PPFIA2: variants seen among roughly 807,000 people sequenced by gnomAD.
The protein encoded by PPFIA2 is PPFI scaffold protein A2.
In PPFIA2, 46 loss-of-function variants were observed where a neutral mutation model predicts 175.5. The ratio of observed to expected loss-of-function variants is 0.26; its 90% CI spans 0.21 to 0.34. The LOEUF is 0.34. Ranked by LOEUF, PPFIA2 falls within the 10% of genes least tolerant of loss-of-function variation. The pLI is 1.00. For missense variants in PPFIA2, 1,179 were observed against 1,506.1 expected (o/e 0.78, Z 3.60); for synonymous variants, 568 against 511.4 (o/e 1.11, Z -1.49).
At chr12:81,511,284 C>T (rs914353775) in intron 4 of PPFIA2, among the ~76,000 whole-genome samples, 1 of 152,034 alleles carries the variant, frequency 6.6e-6, no homozygotes, top group Non-Finnish European at 1.5e-5. Context: ...AACCTCTCAC[C>T]ACTGCCAACA....
intron 4 of PPFIA2, among the ~76,000 whole-genome samples, chr12:81,528,772 A>G (rs894685774): frequency 6.6e-6 from 1 of 152,028 alleles, no homozygotes; most frequent in Admixed American, 6.6e-5. Context: ...GCCAAGCTTT[A>G]TTTTTCTCAG....
chr12:81,368,958 T>G lies in PPFIA2; in HGVS notation c.1351-102A>C, dbSNP rs149165192. On this transcript the variant is annotated intron_variant, in intron 12 of 32. Transcript: ENST00000549396. ...ATTGAATTTAATTTTACATCTGTTT[T>G]GATTAAAGTGGTGGAAACATTTTAT... 9,028 of 1,385,974 alleles carry G rather than the reference T, an allele frequency of 6.5e-3. 39 individuals carry two copies. Among genetic ancestry groups the G allele is most frequent in the Middle Eastern group, 0.011 (57 of 5,208 alleles). The allele number at this position is 1,385,974 out of a possible 1,614,324, so 85.9% of individuals were successfully genotyped here.
At chr12:81,375,098 G>A (rs1302213787) in intron 10 of PPFIA2, among the ~76,000 whole-genome samples, 1 of 152,020 alleles carries the variant, frequency 6.6e-6, no homozygotes, top group African/African-American at 2.4e-5. Flanking sequence ...TGAAAATCAT[G>A]GTATTTAGAC....
At chr12:81,274,550 C>G (rs2040014225) in intron 28 of PPFIA2, among the ~76,000 whole-genome samples, 2 of 151,762 alleles carry the variant, frequency 1.3e-5, no homozygotes, top group South Asian at 4.2e-4. Flanking sequence ...GATCTCTTTC[C>G]ATAAATCTGT....
At chr12:81,353,938 A>G (rs2060456398) in intron 16 of PPFIA2, among the ~76,000 whole-genome samples, 1 of 152,218 alleles carries the variant, frequency 6.6e-6, no homozygotes, top group African/African-American at 2.4e-5. Flanking sequence ...TGGTTTCCCA[A>G]TGAATATGAA....
chr12:81,467,309 G>C (rs1217843072), intron 4 of PPFIA2, among the ~76,000 whole-genome samples: 1 of 152,108 alleles, frequency 6.6e-6, no homozygotes, highest in Non-Finnish European at 1.5e-5. Flanking sequence ...CACATCAAGT[G>C]ACATTCTATA....
chr12:81,374,667 A>G lies in PPFIA2; in HGVS notation c.1233T>C (p.Ala411=). The change falls in exon 11 of 33, where the codon GCT becomes GCC. Residue 411 remains alanine (A), a synonymous_variant. Transcript: ENST00000549396. ...RKAETLPEVE[A]ELAQRIAALT... Reference sequence around the variant, plus strand: ...GGGCTGCAATTCTCTGAGCCAGTTCAGCCTCTACTTCAGGCAAGGTTTCAG... The same window carrying G: ...GGGCTGCAATTCTCTGAGCCAGTTCGGCCTCTACTTCAGGCAAGGTTTCAG... 1 of 1,613,382 alleles carries G rather than the reference A, an allele frequency of 6.2e-7. No homozygotes were observed. The highest frequency in any genetic ancestry group is 8.5e-7 in the Non-Finnish European group (1 of 1,179,538).
At position 81,362,592 on chromosome 12, in the gene PPFIA2, A is replaced by G. The variant is rs949137406; in HGVS notation, c.1637+101T>C. On this transcript the variant is annotated intron_variant, in intron 15 of 32. Coordinates refer to ENST00000549396, the MANE Select transcript of PPFIA2 (RefSeq NM_003625.5). ...AAAACATGATAATGACTAGTGAGCA[A>G]TAGGAAGTACTGATTTATTTTAGTT... 7 of 688,616 alleles carry G rather than the reference A, an allele frequency of 1.0e-5. 1 individual carries two copies. The African/African-American group carries it at 1.3e-4, about 12-fold the overall frequency. 42.7% of individuals were successfully genotyped at this position (688,616 alleles called of 1,614,324 possible). A position where few individuals can be genotyped will look rare whatever the true frequency, so the allele number is the denominator to read the frequency against.
chr12:81,745,643 A>C (rs925231919), intron 3 of PPFIA2, among the ~76,000 whole-genome samples: 3 of 152,098 alleles, frequency 2.0e-5, no homozygotes, highest in African/African-American at 7.2e-5. Flanking sequence ...CTATGGGCTT[A>C]AGATAACCCT....
At chr12:81,417,192 A>G (rs1254315250) in intron 7 of PPFIA2, 1 of 151,764 alleles carries the variant, frequency 6.6e-6, no homozygotes, top group Non-Finnish European at 1.5e-5. Context: ...TTCTGCTTTA[A>G]TAATCCAAAC....
intron 8 of PPFIA2, among the ~76,000 whole-genome samples, chr12:81,386,064 G>A (rs1046578503): frequency 4.6e-5 from 7 of 151,354 alleles, no homozygotes; most frequent in African/African-American, 7.3e-5. Context: ...TGCTTGAGGC[G>A]ATGAATTTGA....
chr12:81,448,083 A>G (rs1182175210), intron 5 of PPFIA2, among the ~76,000 whole-genome samples: 2 of 152,142 alleles, frequency 1.3e-5, no homozygotes, highest in Admixed American at 1.3e-4. Flanking sequence ...AATTTTGCAC[A>G]ATACAGTGTA....
chr12:81,283,347 G>T (rs1236364990), intron 25 of PPFIA2, among the ~76,000 whole-genome samples: 1 of 151,776 alleles, frequency 6.6e-6, no homozygotes, highest in Admixed American at 6.6e-5. Flanking sequence ...AAAATGTAAT[G>T]TGCTATAATA....
At chr12:81,317,134 G>A (rs1465279560) in intron 22 of PPFIA2, among the ~76,000 whole-genome samples, 1 of 151,508 alleles carries the variant, frequency 6.6e-6, no homozygotes, top group Non-Finnish European at 1.5e-5. Flanking sequence ...AATGTCATTA[G>A]CATGCAAAGG....
intron 3 of PPFIA2, among the ~76,000 whole-genome samples, chr12:81,752,695 T>C (rs2083990334): frequency 6.6e-6 from 1 of 152,216 alleles, no homozygotes; most frequent in African/African-American, 2.4e-5. Context: ...ATAGTACAGA[T>C]AGCTTTAGAA....
chr12:81,715,824 A>G (rs1178106924), intron 3 of PPFIA2, among the ~76,000 whole-genome samples: 1 of 151,688 alleles, frequency 6.6e-6, no homozygotes, highest in Non-Finnish European at 1.5e-5. Flanking sequence ...TGTCTTTTTT[A>G]CTATTAAAAA....
intron 4 of PPFIA2, among the ~76,000 whole-genome samples, chr12:81,550,602 C>A (rs2067760601): frequency 6.6e-6 from 1 of 151,912 alleles, no homozygotes; most frequent in Non-Finnish European, 1.5e-5. Flanking sequence ...GCTGAGGCAT[C>A]TCTGCAGAAC....
intron 4 of PPFIA2, among the ~76,000 whole-genome samples, chr12:81,492,566 C>T (rs1420175984): frequency 6.6e-6 from 1 of 151,748 alleles, no homozygotes; most frequent in Non-Finnish European, 1.5e-5. Context: ...TGAGCAAAGG[C>T]CTAAAGACAG....
intron 4 of PPFIA2, among the ~76,000 whole-genome samples, chr12:81,489,536 C>T (rs896101466): frequency 6.6e-6 from 1 of 151,818 alleles, no homozygotes; most frequent in Non-Finnish European, 1.5e-5. Flanking sequence ...AAAAAATTAA[C>T]CTTTTCCCTA....
Sources: allele counts gnomAD v4.1 joint callset (sites outside exome capture counted in the v4.1 genomes callset), GRCh38; gene constraint gnomAD v4.1.1; transcripts MANE v1.5; gene names NCBI Gene and HGNC (gene_info 2026-07-23, HGNC 2026-07-21).